The following COG5 variants were observed in gnomAD, a reference collection of about 807,000 sequenced individuals.
COG5 encodes component of oligomeric golgi complex 5.
In COG5, 86 loss-of-function variants were observed where a neutral mutation model predicts 110.4. The observed-to-expected ratio is 0.78, with a 90% confidence interval of 0.65 to 0.93. The LOEUF is 0.93. Among genes scored for constraint, COG5 ranks in the 40% least tolerant of loss-of-function variants. The probability of loss-of-function intolerance (pLI) is 0.00; values close to 1 mark genes in which losing one functional copy is unlikely to be tolerated. For missense variants in COG5, 1,077 were observed against 987.0 expected, an observed-to-expected ratio of 1.09 and a Z score of -1.22; for synonymous variants, 360 against 334.6, an observed-to-expected ratio of 1.08 and a Z score of -0.83.
chr7:107,484,358 T>G (rs1397608374), intron 6 of COG5, among the ~76,000 whole-genome samples: 3 of 152,206 alleles, frequency 2.0e-5, no homozygotes, highest in Non-Finnish European at 4.4e-5. Context: ...TTGCTCCTTA[T>G]GATTTCTTTT....
rs1037796605 is a variant in COG5, at chr7:107,563,699, T to C, written c.94+104A>G. On this transcript the variant is annotated intron_variant, in intron 1 of 21. Transcript: ENST00000297135. Reference sequence around the variant, plus strand: ...CGGAGGGGAGTGGTCACGTCCAGACTGGAAAACTTTCTGCAAAGCAACGGG... The same window carrying C: ...CGGAGGGGAGTGGTCACGTCCAGACCGGAAAACTTTCTGCAAAGCAACGGG... 8 of 1,374,820 alleles carry C rather than the reference T, an allele frequency of 5.8e-6. No individual in the cohort carries two copies. The Admixed American group carries it at 8.6e-5, about 15-fold the overall frequency. 85.2% of individuals were successfully genotyped at this position (1,374,820 alleles called of 1,614,324 possible).
intron 11 of COG5, among the ~76,000 whole-genome samples, chr7:107,305,480 G>A (rs1807637011): frequency 6.6e-6 from 1 of 152,046 alleles, no homozygotes; most frequent in Non-Finnish European, 1.5e-5. Context: ...GTTATCTATT[G>A]TCATGTAACA....
At chr7:107,399,264 G>A (rs1023245195) in intron 7 of COG5, among the ~76,000 whole-genome samples, 1 of 152,034 alleles carries the variant, frequency 6.6e-6, no homozygotes, top group African/African-American at 2.4e-5. Context: ...CATTAAAAGT[G>A]CATGATAACA....
At chr7:107,466,320 G>A (rs972905147) in intron 6 of COG5, among the ~76,000 whole-genome samples, 1 of 152,144 alleles carries the variant, frequency 6.6e-6, no homozygotes, top group African/African-American at 2.4e-5. Context: ...GATCCAAAGT[G>A]TAGGTATGGA....
At chr7:107,462,998 C>T (rs1027760026) in intron 6 of COG5, among the ~76,000 whole-genome samples, 4 of 152,216 alleles carry the variant, frequency 2.6e-5, no homozygotes. Context: ...TTGGTCAAAG[C>T]TATAAGAATG....
chr7:107,427,589 CG>C (rs940201334), intron 6 of COG5, among the ~76,000 whole-genome samples: 26 of 151,998 alleles, frequency 1.7e-4, no homozygotes, highest in African/African-American at 6.0e-4. Flanking sequence ...GGATTTTTCT[CG>C]GTGACTTTTG....
intron 8 of COG5, among the ~76,000 whole-genome samples, chr7:107,370,747 T>C (rs1326918883): frequency 1.3e-5 from 2 of 148,366 alleles, no homozygotes; most frequent in African/African-American, 2.5e-5. Context: ...GATCGTGCAA[T>C]TGCATTCTAG....
rs777099343 is a variant in COG5, at chr7:107,558,108, A to G, written c.102T>C (p.Tyr34=). 63 of 1,613,678 alleles carry G rather than the reference A, an allele frequency of 3.9e-5. No homozygotes were observed. Among genetic ancestry groups the G allele is most frequent in the South Asian group, 1.9e-4 (17 of 91,068 alleles). The change falls in exon 2 of 22, where the codon TAT becomes TAC. Residue 34 remains tyrosine, a synonymous_variant. Transcript: ENST00000297135. ...TVRELLQDGC[Y]SDFLNEDFDV... is the part of the protein sequence containing the mutation. The stretch of plus-strand genomic sequence containing the variant: ...CAAAGTCTTCGTTTAAAAAGTCACT[A>G]TAACACCCTGGATTGGGGAAAAAAT...
At chr7:107,292,197 C>T (rs1172449607) in intron 12 of COG5, among the ~76,000 whole-genome samples, 1 of 152,112 alleles carries the variant, frequency 6.6e-6, no homozygotes. Flanking sequence ...CTACCAAGCC[C>T]AGTTAACTTT....
chr7:107,259,394 A>C (rs1362995903), intron 14 of COG5, among the ~76,000 whole-genome samples: 3 of 152,186 alleles, frequency 2.0e-5, no homozygotes, highest in Admixed American at 6.5e-5. Flanking sequence ...ATGCTTAACC[A>C]CTTAGAAGAG....
intron 14 of COG5, among the ~76,000 whole-genome samples, chr7:107,274,715 C>T (rs758447467): frequency 6.6e-6 from 1 of 152,190 alleles, no homozygotes; most frequent in African/African-American, 2.4e-5. Flanking sequence ...GTGTCACCCA[C>T]GCCAACAGCG....
rs539338633 is a variant in COG5, at chr7:107,306,249, G to T, written c.1109-7903C>A. Among the ~76,000 whole-genome samples the T allele has an allele frequency of 7.2e-5, 11 of 152,158 alleles. No individual in the cohort carries two copies. The South Asian group carries it at 2.3e-3, about 32-fold the overall frequency. ...GCCCAAATACACTAAAAATAGTTCAGACATACAATAAGAGTACCAGAACAA... is the reference window on the plus strand; with the variant it reads ...GCCCAAATACACTAAAAATAGTTCATACATACAATAAGAGTACCAGAACAA... On this transcript the variant is annotated intron_variant, in intron 11 of 21. Transcript: ENST00000297135.
intron 6 of COG5, among the ~76,000 whole-genome samples, chr7:107,512,024 T>C (rs1300721441): frequency 2.0e-5 from 3 of 152,144 alleles, no homozygotes; most frequent in East Asian, 1.9e-4. Flanking sequence ...CTATTCAACA[T>C]AGTGTTGGAA....
intron 12 of COG5, among the ~76,000 whole-genome samples, chr7:107,288,037 C>T (rs915505109): frequency 6.6e-5 from 10 of 151,998 alleles, no homozygotes; most frequent in African/African-American, 2.4e-4. Flanking sequence ...ACATCTGGAG[C>T]GAAACTGCTG....
chr7:107,276,634 C>A (rs998400395), intron 14 of COG5, among the ~76,000 whole-genome samples: 5 of 152,194 alleles, frequency 3.3e-5, no homozygotes, highest in African/African-American at 1.2e-4. Context: ...GGCTGGCCAA[C>A]AGAGTGAGAC....
chr7:107,348,702 G>A (rs750281462), intron 10 of COG5, among the ~76,000 whole-genome samples: 25 of 151,958 alleles, frequency 1.6e-4, no homozygotes, highest in Admixed American at 6.6e-5. Flanking sequence ...TTGTTAACAC[G>A]AGACACATTT....
At chr7:107,260,501 A>G (rs1803246838) in intron 14 of COG5, among the ~76,000 whole-genome samples, 1 of 152,148 alleles carries the variant, frequency 6.6e-6, no homozygotes, top group Admixed American at 6.5e-5. Context: ...TGAATATACT[A>G]AAAACCACTG....
At chr7:107,345,428 A>G (rs7788271) in intron 10 of COG5, among the ~76,000 whole-genome samples, 29,486 of 152,160 alleles carry the variant, frequency 0.19, 3,407 homozygotes, top group East Asian at 0.33. Flanking sequence ...AAAATGCAGT[A>G]TCTGTGTAGC....
chr7:107,479,477 A>G (rs1797189219), intron 6 of COG5, among the ~76,000 whole-genome samples: 1 of 152,174 alleles, frequency 6.6e-6, no homozygotes, highest in Non-Finnish European at 1.5e-5. Context: ...AGGCCTGGCA[A>G]AAAGTGATGG....
Sources: allele counts gnomAD v4.1 joint callset (sites outside exome capture counted in the v4.1 genomes callset), GRCh38; gene constraint gnomAD v4.1.1; transcripts MANE v1.5; gene names NCBI Gene and HGNC (gene_info 2026-07-23, HGNC 2026-07-21).